TFB1M: variants seen among roughly 807,000 people sequenced by gnomAD.
The protein encoded by TFB1M is transcription factor B1, mitochondrial.
Under a neutral mutation model 31.1 loss-of-function variants are expected in TFB1M, and 27 were observed. That is an observed-to-expected ratio of 0.87 (90% CI 0.64 to 1.20). The LOEUF (loss-of-function observed/expected upper bound fraction) is 1.20. Ranked by LOEUF, TFB1M falls within the 50% of genes most tolerant of loss-of-function variation. The pLI, the probability that TFB1M is intolerant of heterozygous loss-of-function variation, is 0.00. For synonymous variants in TFB1M, 166 were observed against 151.8 expected (o/e 1.09, Z -0.69); for missense variants, 394 against 418.7 (o/e 0.94, Z 0.51).
At chr6:155,242,414 A>G in the TFB1M span, among the ~76,000 whole-genome samples, 3,210 of 152,330 alleles carry the variant, frequency 0.021, 55 homozygotes, top group African/African-American at 0.032. Context: ...TCCCTGAGAT[A>G]TGATTCAGTA....
chr6:155,240,468 G>A, the TFB1M span: 1 of 1,519,384 alleles, frequency 6.6e-7, no homozygotes, highest in Admixed American at 1.8e-5. Flanking sequence ...GTGCCCTTGG[G>A]GGCAGCGGAT....
chr6:155,247,187 C>A, the TFB1M span, among the ~76,000 whole-genome samples: 3 of 152,332 alleles, frequency 2.0e-5, no homozygotes, highest in South Asian at 2.1e-4. Context: ...AAAGACACTG[C>A]TTTCCAGATA....
intron 4 of TFB1M, among the ~76,000 whole-genome samples, chr6:155,294,658 T>C (rs1241241721): frequency 6.6e-6 from 1 of 152,168 alleles, no homozygotes; most frequent in Non-Finnish European, 1.5e-5. Context: ...CTGGCAATAG[T>C]GAGTACTGGC....
At chr6:155,298,656 C>T in intron 2 of TFB1M, 71 bp from the exon 3 acceptor site, 2 of 1,048,962 alleles carry the variant, frequency 1.9e-6, no homozygotes, top group South Asian at 1.3e-5. Flanking sequence ...CTTTTTAAAC[C>T]TGTGCATTTA....
Position 155,257,585 on chromosome 6 carries a change from GATT to G in TFB1M, c.*248_*250del. On this transcript the variant is annotated 3_prime_UTR_variant, in exon 7 of 7. Coordinates refer to ENST00000367166, the MANE Select transcript of TFB1M (RefSeq NM_016020.4). ...GCAGATACTTCATTTTTGTAAGATAGATTGTAATAGATGCTGTTTATACTAAAC... is the reference window on the plus strand; with the variant it reads ...GCAGATACTTCATTTTTGTAAGATAGGTAATAGATGCTGTTTATACTAAAC... 2.2e-6 allele frequency: 1 copy of G among 460,518 alleles called. No individual in the cohort carries two copies. The highest frequency in any genetic ancestry group is 3.8e-6 in the Non-Finnish European group (1 of 262,806). The allele number at this position is 460,518 out of a possible 1,614,324, so 28.5% of individuals were successfully genotyped here. A position where few individuals can be genotyped will look rare whatever the true frequency, so the allele number is the denominator to read the frequency against.
chr6:155,275,718 T>A (rs199579197), intron 5 of TFB1M: 192 of 1,611,006 alleles, frequency 1.2e-4, no homozygotes, highest in Non-Finnish European at 1.5e-4. Flanking sequence ...AACAGTAACA[T>A]CATGGCCTCA....
At chr6:155,275,405 T>C (rs1230108450) in intron 5 of TFB1M, among the ~76,000 whole-genome samples, 1 of 152,162 alleles carries the variant, frequency 6.6e-6, no homozygotes, top group Non-Finnish European at 1.5e-5. Context: ...CTGCTTTCTT[T>C]ATGCCCTGTA....
In TFB1M at chr6:155,256,729, G is replaced by A; in HGVS notation, c.*1107C>T. The A allele has an allele frequency of 1.2e-6, 2 of 1,614,202 alleles. No homozygotes were observed. The highest frequency in any genetic ancestry group is 1.7e-6 in the Non-Finnish European group (2 of 1,180,044). Reference sequence around the variant, plus strand: ...AGAGAGTGACATCCTGAGCGATGAAGATGATGACCACCGTCAGACTGTGAA... The same window carrying A: ...AGAGAGTGACATCCTGAGCGATGAAAATGATGACCACCGTCAGACTGTGAA... On this transcript the variant is annotated 3_prime_UTR_variant, in exon 7 of 7. Transcript: ENST00000367166.
At chr6:155,301,004 C>T (rs1777405980) in intron 2 of TFB1M, among the ~76,000 whole-genome samples, 1 of 151,914 alleles carries the variant, frequency 6.6e-6, no homozygotes, top group Non-Finnish European at 1.5e-5. Context: ...GAGGTTTCAC[C>T]ATGTTGCCCA....
intron 4 of TFB1M, among the ~76,000 whole-genome samples, chr6:155,290,748 C>G (rs1335004418): frequency 6.6e-6 from 1 of 152,108 alleles, no homozygotes; most frequent in African/African-American, 2.4e-5. Flanking sequence ...TTTTGTATCT[C>G]TATTGTGTTA....
the TFB1M span, among the ~76,000 whole-genome samples, chr6:155,229,968 A>G: frequency 1.3e-5 from 2 of 151,820 alleles, no homozygotes; most frequent in Non-Finnish European, 2.9e-5. Flanking sequence ...CCCATGATTC[A>G]ATTACCTCCC....
intron 4 of TFB1M, among the ~76,000 whole-genome samples, chr6:155,287,885 C>T (rs1162441262): frequency 1.3e-5 from 2 of 152,088 alleles, no homozygotes; most frequent in Non-Finnish European, 2.9e-5. Flanking sequence ...TCAGGGGCAA[C>T]ATTACAAACA....
downstream of TFB1M, chr6:155,251,960 T>C: frequency 6.2e-7 from 1 of 1,604,020 alleles, no homozygotes; most frequent in Non-Finnish European, 8.5e-7. Context: ...AAGAGAGCCG[T>C]CATACTGGTT....
chr6:155,245,570 A>C, the TFB1M span: 2 of 1,441,036 alleles, frequency 1.4e-6, no homozygotes, highest in South Asian at 2.3e-5. Context: ...GCCATAAGCC[A>C]GCACGCATTG....
chr6:155,285,138 A>G lies in TFB1M; in HGVS notation c.666+20T>C. 4 of 1,613,516 alleles carry G rather than the reference A, an allele frequency of 2.5e-6. No homozygotes were observed. The highest frequency in any genetic ancestry group is 1.1e-5 in the South Asian group (1 of 91,032). On this transcript the variant is annotated intron_variant, in intron 5 of 6. Transcript: ENST00000367166. ...AACGTCCTAATTCCGATATACTACA[A>G]CAAATAAGCAGAAACTTACCTCTGG...
chr6:155,289,776 T>A (rs1776821115), intron 4 of TFB1M, among the ~76,000 whole-genome samples: 1 of 152,226 alleles, frequency 6.6e-6, no homozygotes, highest in Non-Finnish European at 1.5e-5. Context: ...CGCCAAATTG[T>A]AATCCCCAAT....
At chr6:155,313,744 A>G (rs1456635527) in intron 1 of TFB1M, among the ~76,000 whole-genome samples, 1 of 152,084 alleles carries the variant, frequency 6.6e-6, no homozygotes, top group African/African-American at 2.4e-5. Context: ...CCCATATCCT[A>G]CCCCCGGCAC....
At chr6:155,298,000 C>T (rs1431425559) in intron 3 of TFB1M, among the ~76,000 whole-genome samples, 3 of 152,152 alleles carry the variant, frequency 2.0e-5, no homozygotes, top group African/African-American at 7.2e-5. Context: ...AGAAACATAC[C>T]CTATTTATCT....
the TFB1M span, chr6:155,250,646 C>A: frequency 1.3e-6 from 2 of 1,533,386 alleles, no homozygotes; most frequent in Non-Finnish European, 1.7e-6. Flanking sequence ...CTTATGGAAA[C>A]TGAGTTGGTC....
Sources: gnomAD v4.1 joint callset for allele counts (sites outside exome capture counted in the v4.1 genomes callset) on GRCh38, gnomAD v4.1.1 for gene constraint, MANE v1.5 for transcripts, NCBI Gene and HGNC (gene_info 2026-07-23, HGNC 2026-07-21) for gene names.